Variants in SLIT3 observed in about 807,000 individuals in gnomAD.
SLIT3 encodes the protein slit guidance ligand 3, also known as slit homolog 3 protein.
SLIT3 carries 68 observed loss-of-function variants against 184.0 expected under a neutral mutation model. The ratio of observed to expected loss-of-function variants is 0.37; its 90% CI spans 0.30 to 0.45. The LOEUF is 0.45. Among genes scored for constraint, SLIT3 ranks in the 20% least tolerant of loss-of-function variants. SLIT3 has a pLI of 1.00. For synonymous variants in SLIT3, 831 were observed against 828.6 expected (o/e 1.00, Z -0.05); for missense variants, 1,707 against 2,026.0 (o/e 0.84, Z 3.02).
intron 4 of SLIT3, chr5:169,026,410 A>G (rs28622883): frequency 0.14 from 21,535 of 152,170 alleles, 2,769 homozygotes; most frequent in African/African-American, 0.34. Context: ...AAGTTCAGGA[A>G]TGTCTGCTCC....
intron 1 of SLIT3, among the ~76,000 whole-genome samples, chr5:169,267,040 G>A (rs1355070060): frequency 6.6e-6 from 1 of 152,164 alleles, no homozygotes; most frequent in African/African-American, 2.4e-5. Flanking sequence ...AATCTACAAT[G>A]AGTGTTTACC....
intron 5 of SLIT3, among the ~76,000 whole-genome samples, chr5:168,870,019 G>T (rs1195739690): frequency 1.3e-5 from 2 of 152,242 alleles, no homozygotes; most frequent in Non-Finnish European, 2.9e-5. Flanking sequence ...TGCCGGCACG[G>T]CAGGCGCTAT....
intron 4 of SLIT3, among the ~76,000 whole-genome samples, chr5:168,912,232 A>C (rs1761274474): frequency 6.6e-6 from 1 of 151,586 alleles, no homozygotes; most frequent in South Asian, 2.1e-4. Context: ...AACATATTTT[A>C]TACAGTGTAT....
intron 17 of SLIT3, among the ~76,000 whole-genome samples, chr5:168,753,604 G>A (rs528736095): frequency 2.6e-5 from 4 of 152,286 alleles, no homozygotes; most frequent in South Asian, 2.1e-4. Flanking sequence ...ATCTATATAC[G>A]TGTATACACG....
intron 4 of SLIT3, among the ~76,000 whole-genome samples, chr5:168,888,182 C>A (rs997826991): frequency 6.6e-6 from 1 of 152,206 alleles, no homozygotes; most frequent in Admixed American, 6.5e-5. Context: ...AATAAAAGTA[C>A]AATCAGGTGA....
chr5:169,041,993 A>C (rs543827222), intron 4 of SLIT3, among the ~76,000 whole-genome samples: 1 of 152,336 alleles, frequency 6.6e-6, no homozygotes, highest in Non-Finnish European at 1.5e-5. Context: ...AGTTCTAAAA[A>C]AGGCACTTCT....
At chr5:168,919,528 C>G (rs1761566486) in intron 4 of SLIT3, among the ~76,000 whole-genome samples, 2 of 151,934 alleles carry the variant, frequency 1.3e-5, no homozygotes, top group Admixed American at 1.3e-4. Context: ...TTTGATTCTG[C>G]TGAGAAACTC....
chr5:168,810,795 C>T (rs1316104299), intron 8 of SLIT3, among the ~76,000 whole-genome samples: 1 of 152,180 alleles, frequency 6.6e-6, no homozygotes, highest in Non-Finnish European at 1.5e-5. Flanking sequence ...CAGCTCCTCA[C>T]TGATCATCAG....
chr5:168,741,313 T>C (rs1192297507), intron 20 of SLIT3, among the ~76,000 whole-genome samples: 1 of 150,704 alleles, frequency 6.6e-6, no homozygotes, highest in African/African-American at 2.4e-5. Flanking sequence ...TACTAAAAAA[T>C]ACAAAAAATT....
intron 5 of SLIT3, among the ~76,000 whole-genome samples, chr5:168,851,076 C>A (rs1406468780): frequency 2.0e-5 from 3 of 152,130 alleles, no homozygotes; most frequent in African/African-American, 7.2e-5. Context: ...GTGATCCCAG[C>A]ACTTTGGGAG....
At position 169,183,316 on chromosome 5, in the gene SLIT3, T is replaced by C. The variant is rs1581027886; in HGVS notation, c.413+10163A>G. Among the ~76,000 whole-genome samples, 8 of 152,352 alleles carry C rather than the reference T, an allele frequency of 5.3e-5. 1 individual carries two copies. Among genetic ancestry groups the C allele is most frequent in the Admixed American group, 5.2e-4 (8 of 15,308 alleles). On this transcript the variant is annotated intron_variant, in intron 4 of 35. Coordinates refer to ENST00000519560, the MANE Select transcript of SLIT3 (RefSeq NM_003062.4). ...TTCATACGTAGTAAAGAGAGTACAC[T>C]GATGTATGAAGGCTTTCAGCTGTAT...
chr5:169,000,806 T>G (rs1428126738), intron 4 of SLIT3, among the ~76,000 whole-genome samples: 1 of 152,204 alleles, frequency 6.6e-6, no homozygotes, highest in African/African-American at 2.4e-5. Context: ...GGGCTGGCTA[T>G]TCAATTACAA....
chr5:168,668,998 G>C (rs1186960549), intron 35 of SLIT3, among the ~76,000 whole-genome samples: 1 of 152,224 alleles, frequency 6.6e-6, no homozygotes, highest in African/African-American at 2.4e-5. Context: ...AGGTCATGCA[G>C]ATTCTAAATG....
chr5:169,280,963 T>C (rs1337732882), intron 1 of SLIT3, among the ~76,000 whole-genome samples: 1 of 151,770 alleles, frequency 6.6e-6, no homozygotes, highest in Non-Finnish European at 1.5e-5. Context: ...CAAAGCTGGG[T>C]CAAGCAAAAG....
intron 4 of SLIT3, among the ~76,000 whole-genome samples, chr5:168,921,874 A>G (rs955583004): frequency 6.6e-6 from 1 of 151,804 alleles, no homozygotes; most frequent in Non-Finnish European, 1.5e-5. Context: ...TACATGTGAG[A>G]CACTGGTCTA....
At chr5:169,244,596 A>G (rs1180259699) in intron 3 of SLIT3, 109 bp downstream of exon 3, 2 of 838,078 alleles carry the variant, frequency 2.4e-6, no homozygotes, top group East Asian at 2.7e-5. Flanking sequence ...AACACTGGAG[A>G]CCTTTTTTAA....
chr5:169,288,800 A>C (rs1767245144), intron 1 of SLIT3, among the ~76,000 whole-genome samples: 1 of 152,180 alleles, frequency 6.6e-6, no homozygotes, highest in African/African-American at 2.4e-5. Context: ...ATGAGGTTAT[A>C]TTTTAATTTG....
At chr5:169,104,778 T>C (rs1404145197) in intron 4 of SLIT3, among the ~76,000 whole-genome samples, 4 of 152,184 alleles carry the variant, frequency 2.6e-5, no homozygotes, top group Non-Finnish European at 4.4e-5. Context: ...CATACCCCAT[T>C]CAAGAATCAG....
intron 14 of SLIT3, chr5:168,772,562 T>G: frequency 1.4e-4 from 75 of 531,024 alleles, no homozygotes; most frequent in East Asian, 6.0e-4. Flanking sequence ...CTCCTCCCCA[T>G]GCTTTTATTG....
Sources: allele counts gnomAD v4.1 joint callset (sites outside exome capture counted in the v4.1 genomes callset), GRCh38; gene constraint gnomAD v4.1.1; transcripts MANE v1.5; gene names NCBI Gene and HGNC (gene_info 2026-07-23, HGNC 2026-07-21).